Variants in ANKRD18A observed in about 807,000 individuals in gnomAD.
ANKRD18A encodes ankyrin repeat domain-containing protein 18A.
A neutral mutation model predicts 110.6 loss-of-function variants in ANKRD18A; 72 were observed. The observed-to-expected ratio is 0.65, with a 90% CI of 0.54 to 0.79. The LOEUF is 0.79. Among genes scored for constraint, ANKRD18A ranks in the 30% least tolerant of loss-of-function variants. The probability of loss-of-function intolerance (pLI) is 0.00; values close to 1 mark genes in which losing one functional copy is unlikely to be tolerated. For missense variants in ANKRD18A, 934 were observed against 1,163.3 expected (o/e 0.80, Z 2.87); for synonymous variants, 305 against 410.3 (o/e 0.74, Z 3.10).
chr9:38,574,448 G>A (rs1361444876), intron 15 of ANKRD18A, among the ~76,000 whole-genome samples: 1 of 152,064 alleles, frequency 6.6e-6, no homozygotes, highest in Non-Finnish European at 1.5e-5. Context: ...GTTGCTGCAT[G>A]TGGGATTACA....
chr9:38,600,331 T>C (rs1250441894), intron 8 of ANKRD18A, among the ~76,000 whole-genome samples: 1 of 152,128 alleles, frequency 6.6e-6, no homozygotes, highest in Non-Finnish European at 1.5e-5. Context: ...CTAGGATTAA[T>C]TAAAGAGTAG....
At position 38,610,367 on chromosome 9, in the gene ANKRD18A, C is replaced by A; in HGVS notation, c.646G>T (p.Val216Phe). Residue 216 changes from valine to phenylalanine, a missense_variant, in exon 5 of 16, where the codon GTC (valine) becomes TTC (phenylalanine). Transcript: ENST00000399703. ...LAVQHNLSSI[V>F]TLLLQQNIRI... ...ATATTTTGTTGAAGCAGGAGGGTGA[C>A]GATACTTGACAAGTTATGCTGTACT... 6.5e-7 allele frequency: 1 copy of A among 1,550,254 alleles called. No individual in the cohort carries two copies. The highest frequency in any genetic ancestry group is 8.7e-7 in the Non-Finnish European group (1 of 1,146,574).
chr9:38,595,147 A>G (rs1347120314), intron 9 of ANKRD18A, among the ~76,000 whole-genome samples: 2 of 152,162 alleles, frequency 1.3e-5, no homozygotes, highest in Non-Finnish European at 1.5e-5. Context: ...GATTTATAGA[A>G]TTTATCTTTT....
intron 1 of ANKRD18A, among the ~76,000 whole-genome samples, chr9:38,618,363 A>G (rs1825943103): frequency 6.6e-6 from 1 of 152,180 alleles, no homozygotes; most frequent in Non-Finnish European, 1.5e-5. Context: ...TGTGCAAGCA[A>G]ACTGATTTGT....
At chr9:38,612,587 C>G (rs926375753) in intron 3 of ANKRD18A, among the ~76,000 whole-genome samples, 31 of 147,350 alleles carry the variant, frequency 2.1e-4, no homozygotes, top group African/African-American at 7.8e-4. Context: ...GCATGATCTC[C>G]GCTCACTGCA....
At chr9:38,600,894 T>G (rs1469666671) in intron 8 of ANKRD18A, among the ~76,000 whole-genome samples, 1 of 152,214 alleles carries the variant, frequency 6.6e-6, no homozygotes, top group Non-Finnish European at 1.5e-5. Context: ...CAAAGAGAGT[T>G]CTGGAAATTT....
At chr9:38,583,968 G>A (rs963220110) in intron 12 of ANKRD18A, among the ~76,000 whole-genome samples, 1 of 152,220 alleles carries the variant, frequency 6.6e-6, no homozygotes, top group African/African-American at 2.4e-5. Flanking sequence ...GGACTTGCCA[G>A]CAGCAGACTG....
At chr9:38,612,524 T>TTTTTTTC in intron 3 of ANKRD18A, among the ~76,000 whole-genome samples, 1 of 147,786 alleles carries the variant, frequency 6.8e-6, no homozygotes, top group African/African-American at 2.5e-5. Flanking sequence ...TCTTTTTCTT[T>TTTTTTTC]TTTTTTTTTT....
intron 12 of ANKRD18A, 88 bp from the exon 13 acceptor site, chr9:38,578,236 A>G (rs2118661752): frequency 8.0e-7 from 1 of 1,253,384 alleles, no homozygotes; most frequent in African/African-American, 1.5e-5. Flanking sequence ...AAATGCATTG[A>G]CTTGAAATAA....
chr9:38,571,109 A>C, downstream of ANKRD18A: 1 of 1,523,730 alleles, frequency 6.6e-7, no homozygotes, highest in Non-Finnish European at 8.7e-7. Flanking sequence ...GCCCTTTGCT[A>C]GTTTCTTGGT....
At chr9:38,593,684 A>T in intron 10 of ANKRD18A, 76 bp downstream of exon 10, 1 of 1,268,386 alleles carries the variant, frequency 7.9e-7, no homozygotes, top group Non-Finnish European at 1.0e-6. Context: ...TGTCCACTGA[A>T]ATTAGTATCC....
intron 3 of ANKRD18A, among the ~76,000 whole-genome samples, chr9:38,614,012 T>C (rs1387603074): frequency 1.3e-5 from 2 of 152,320 alleles, no homozygotes; most frequent in East Asian, 3.9e-4. Flanking sequence ...ATATTGCCAA[T>C]GATATTCCCT....
Position 38,608,514 on chromosome 9 carries a change from T to C in ANKRD18A, c.741-1021A>G, listed in dbSNP as rs1180756292. ...AATACTTTTATAATGATTTTCATTA[T>C]GAGATTATATAATCTATAATTATAT... On this transcript the variant is annotated intron_variant, in intron 5 of 15. Coordinates refer to ENST00000399703, the MANE Select transcript of ANKRD18A (RefSeq NM_147195.4). Among the ~76,000 whole-genome samples the C allele has an allele frequency of 2.7e-5, 4 of 147,998 alleles. No homozygotes were observed. In the East Asian group the frequency reaches 7.8e-4, roughly 29 times the overall value.
chr9:38,616,758 T>C (rs1042817367), intron 1 of ANKRD18A, among the ~76,000 whole-genome samples: 1 of 152,376 alleles, frequency 6.6e-6, no homozygotes, highest in Middle Eastern at 3.4e-3. Context: ...CTCAGCCAGA[T>C]GTTATAATTA....
chr9:38,598,584 C>T (rs1824989855), intron 8 of ANKRD18A, among the ~76,000 whole-genome samples: 1 of 152,198 alleles, frequency 6.6e-6, no homozygotes, highest in Admixed American at 6.5e-5. Flanking sequence ...CTATCTCATT[C>T]TTAAGCCTTT....
chr9:38,571,073 G>A, downstream of ANKRD18A: 2 of 1,481,602 alleles, frequency 1.3e-6, no homozygotes, highest in Non-Finnish European at 1.8e-6. Context: ...GGGACCACAT[G>A]AGGACTGTCC....
At position 38,615,595 on chromosome 9, in the gene ANKRD18A, T is replaced by C. The variant is rs778827919; in HGVS notation, c.494A>G (p.Lys165Arg). 6.3e-7 allele frequency: 1 copy of C among 1,599,778 alleles called. No individual in the cohort carries two copies. Among genetic ancestry groups the C allele is most frequent in the East Asian group, 2.2e-5 (1 of 44,708 alleles). ...AAAAGAAAGTTGATTGATCTGTACC[T>C]TGTTTAGTGCTTCAATATTTGCATG... ...SHHANIEALN[K>R]EGNTPLLFAI... The change falls in exon 3 of 16, where the codon AAG becomes AGG. Residue 165 changes from lysine (K) to arginine (R), a missense_variant and splice_region_variant. Physicochemically the swap from Lys to Arg is conservative, Grantham distance 26. Around this residue, in one of 4 missense-constraint regions of ANKRD18A, gnomAD observed 630 missense variants for 797.5 expected, o/e 0.79. Coordinates refer to ENST00000399703, the MANE Select transcript of ANKRD18A (RefSeq NM_147195.4).
chr9:38,620,484 A>G lies in ANKRD18A; in HGVS notation c.-199T>C. ...CAGAATCCGCGATCCAGCCCGGTCC[A>G]CCACAGCCTTCAGCAGCGACACTCG... is the stretch of plus-strand genomic sequence containing the variant. On this transcript the variant is annotated 5_prime_UTR_variant, in exon 1 of 16. Transcript: ENST00000399703. The G allele has an allele frequency of 7.1e-7, 1 of 1,413,566 alleles. No individual in the cohort carries two copies. The allele number at this position is 1,413,566 out of a possible 1,614,324, so 87.6% of individuals were successfully genotyped here.
intron 10 of ANKRD18A, 135 bp from the exon 11 acceptor site, chr9:38,588,798 C>A: frequency 1.9e-6 from 1 of 535,224 alleles, no homozygotes; most frequent in Non-Finnish European, 2.8e-6. Context: ...AAACCTGATG[C>A]CAATAACGAG....
Sources: gnomAD v4.1 joint callset for allele counts (sites outside exome capture counted in the v4.1 genomes callset) on GRCh38, gnomAD v4.1.1 for gene constraint, gnomAD v4.1.1 regional missense constraint, MANE v1.5 for transcripts, NCBI Gene and HGNC (gene_info 2026-07-23, HGNC 2026-07-21) for gene names.